SLC7A11: variants seen among roughly 807,000 people sequenced by gnomAD.
SLC7A11 encodes solute carrier family 7 member 11, also known as cystine/glutamate transporter.
Under a neutral mutation model 54.5 loss-of-function variants are expected in SLC7A11, and 35 were observed. The ratio of observed to expected loss-of-function variants is 0.64; its 90% CI spans 0.49 to 0.85. The LOEUF (loss-of-function observed/expected upper bound fraction) is 0.85. Among genes scored for constraint, SLC7A11 ranks in the 40% least tolerant of loss-of-function variants. SLC7A11 has a pLI of 0.00. For missense variants in SLC7A11, 583 were observed against 618.1 expected (o/e 0.94, Z 0.60); for synonymous variants, 230 against 225.2 (o/e 1.02, Z -0.19).
chr4:138,237,213 T>C (rs968279107), intron 1 of SLC7A11, among the ~76,000 whole-genome samples: 1 of 151,848 alleles, frequency 6.6e-6, no homozygotes, highest in African/African-American at 2.4e-5. Context: ...GGTCTCAATC[T>C]CCTGACCTCA....
intron 3 of SLC7A11, 34 bp downstream of exon 3, chr4:138,232,233 T>C (rs2148453059): frequency 7.4e-7 from 1 of 1,350,940 alleles, no homozygotes; most frequent in East Asian, 2.3e-5. Context: ...TTGTGTTGTT[T>C]TTCCTTTTTC....
At chr4:138,209,236 G>A (rs6854381) in intron 6 of SLC7A11, among the ~76,000 whole-genome samples, 61,537 of 151,650 alleles carry the variant, frequency 0.41, 13,379 homozygotes, top group Middle Eastern at 0.6. Flanking sequence ...AGACCATAAA[G>A]GGTGTTGTAT....
rs1340724422 is a variant in SLC7A11 at position 138,169,270 on chromosome 4, G to A, written c.*2686C>T. On this transcript the variant is annotated 3_prime_UTR_variant, in exon 12 of 12. Transcript: ENST00000280612. ...TAAATAAGTGTTCAGGAGAGTTTTT[G>A]AGAATCTGCTTTACATACTGCAATT... 1 of 151,952 alleles carries A rather than the reference G, an allele frequency of 6.6e-6. No individual in the cohort carries two copies. The highest frequency in any genetic ancestry group is 1.5e-5 in the Non-Finnish European group (1 of 67,976). 9.4% of individuals were successfully genotyped at this position (151,952 alleles called of 1,614,324 possible). A position where few individuals can be genotyped will look rare whatever the true frequency, so the allele number is the denominator to read the frequency against.
rs1737138854 is a variant in SLC7A11 at position 138,196,642 on chromosome 4, TTTAA to T, written c.792-11402_792-11399del. 4.6e-5 allele frequency among the ~76,000 whole-genome samples: 7 copies of T among 151,812 alleles called. No homozygotes were observed. In the South Asian group the frequency reaches 1.5e-3, roughly 31 times the overall value. On this transcript the variant is annotated intron_variant, in intron 6 of 11. Coordinates refer to ENST00000280612, the MANE Select transcript of SLC7A11 (RefSeq NM_014331.4). ...GTTGCCTTTTTTTAATTTAATTTAA[TTTAA>T]TTTTTATTATTTTATTTTATTATTA...
In SLC7A11 at chr4:138,171,926, G is replaced by A. The variant is rs1244273947; in HGVS notation, c.*30C>T. ...ATCCCTATTTTGTGTCTCCCCTTGG[G>A]CAGATTGCCAAGATCTCAAGTCCAT... On this transcript the variant is annotated 3_prime_UTR_variant, in exon 12 of 12. Transcript: ENST00000280612. The A allele has an allele frequency of 1.1e-5, 18 of 1,571,316 alleles. No individual in the cohort carries two copies. Among genetic ancestry groups the A allele is most frequent in the East Asian group, 2.4e-5 (1 of 41,752 alleles).
intron 6 of SLC7A11, among the ~76,000 whole-genome samples, chr4:138,207,123 C>G (rs189206199): frequency 1.3e-5 from 2 of 151,488 alleles, no homozygotes; most frequent in Non-Finnish European, 2.9e-5. Flanking sequence ...TAAAAAGATG[C>G]CTCATTTTGC....
intron 6 of SLC7A11, among the ~76,000 whole-genome samples, chr4:138,210,820 T>C (rs1167636180): frequency 6.6e-6 from 1 of 152,142 alleles, no homozygotes; most frequent in South Asian, 2.1e-4. Context: ...GTTCAGCCTC[T>C]GTGGAAAGAA....
chr4:138,166,610 A>G lies in SLC7A11; in HGVS notation c.*5346T>C, dbSNP rs1043741044. 1 of 152,628 alleles carries G rather than the reference A, an allele frequency of 6.6e-6. No individual in the cohort carries two copies. The highest frequency in any genetic ancestry group is 1.5e-5 in the Non-Finnish European group (1 of 68,036). 9.5% of individuals were successfully genotyped at this position (152,628 alleles called of 1,614,324 possible). ...CACTCTGGAACAAAGTTGGCCCTCT[A>G]TGGCTCTCAGATGCCTAATGCTCTA... On this transcript the variant is annotated 3_prime_UTR_variant, in exon 12 of 12. Transcript: ENST00000280612.
rs191840411 is a variant in SLC7A11 at position 138,240,050 on chromosome 4, C to T, written c.277+1743G>A. Among the ~76,000 whole-genome samples the T allele has an allele frequency of 7.4e-4, 113 of 152,092 alleles. 3 individuals carry two copies. The highest frequency in any genetic ancestry group is 8.5e-4 in the Non-Finnish European group (58 of 67,966). On this transcript the variant is annotated intron_variant, in intron 1 of 11. Coordinates refer to ENST00000280612, the MANE Select transcript of SLC7A11 (RefSeq NM_014331.4). The stretch of plus-strand genomic sequence containing the variant: ...TTAATATTAATAGTGGCTAAGGGTA[C>T]TATTAGAGTTTTTCATAATGATATT...
intron 4 of SLC7A11, among the ~76,000 whole-genome samples, chr4:138,222,049 G>A (rs1214348060): frequency 6.6e-6 from 1 of 152,198 alleles, no homozygotes; most frequent in Middle Eastern, 3.2e-3. Flanking sequence ...AGGTGTATTA[G>A]AAGAGCAAGC....
intron 2 of SLC7A11, among the ~76,000 whole-genome samples, chr4:138,235,673 C>T (rs1205640722): frequency 6.6e-6 from 1 of 152,080 alleles, no homozygotes; most frequent in Non-Finnish European, 1.5e-5. Flanking sequence ...CCCACAAAGT[C>T]GAAGGAAATT....
At chr4:138,223,765 C>A (rs965836326) in intron 3 of SLC7A11, among the ~76,000 whole-genome samples, 3 of 152,096 alleles carry the variant, frequency 2.0e-5, no homozygotes, top group East Asian at 1.9e-4. Context: ...CAAGAAGGAG[C>A]AAGAAGTGTA....
rs1336912399 is a variant in SLC7A11, at chr4:138,164,208, A to AATAC, written c.*7744_*7747dup. ...AAGCAACTAGAAGCGTGACAGGTATAATACATATAAATACAACCAAAATTC... is the reference window on the plus strand; with the variant it reads ...AAGCAACTAGAAGCGTGACAGGTATAATACATACATATAAATACAACCAAAATTC... On this transcript the variant is annotated 3_prime_UTR_variant, in exon 12 of 12. Transcript: ENST00000280612. The AATAC allele has an allele frequency of 6.6e-6, 1 of 152,462 alleles. No individual in the cohort carries two copies. Among genetic ancestry groups the AATAC allele is most frequent in the Non-Finnish European group, 1.5e-5 (1 of 68,012 alleles). 9.4% of individuals were successfully genotyped at this position (152,462 alleles called of 1,614,324 possible).
intron 6 of SLC7A11, among the ~76,000 whole-genome samples, chr4:138,199,611 G>A (rs1371180597): frequency 1.3e-5 from 2 of 152,072 alleles, no homozygotes; most frequent in African/African-American, 4.8e-5. Flanking sequence ...GAGGAGGCAG[G>A]GTTAAGCAGG....
At chr4:138,204,455 G>A (rs1434843650) in intron 6 of SLC7A11, among the ~76,000 whole-genome samples, 1 of 151,958 alleles carries the variant, frequency 6.6e-6, no homozygotes, top group Non-Finnish European at 1.5e-5. Context: ...AAAATTATCT[G>A]GGAGTGGACT....
chr4:138,176,811 C>T (rs1736581748), intron 11 of SLC7A11: 1 of 152,128 alleles, frequency 6.6e-6, no homozygotes, highest in Non-Finnish European at 1.5e-5. Context: ...GCTAATCTAT[C>T]CTAAATGTTA....
At position 138,242,004 on chromosome 4, in the gene SLC7A11, C is replaced by T. The variant is rs1369750656; in HGVS notation, c.66G>A (p.Gly22=). The change falls in exon 1 of 12, where the codon GGG becomes GGA. Residue 22 remains glycine, a synonymous_variant. Coordinates refer to ENST00000280612, the MANE Select transcript of SLC7A11 (RefSeq NM_014331.4). ...CCTTGTTGCCCAGGGAAGGCAGCCT[C>T]CCGTTAACATTTCCCTGCAGGTAAC... ...KGGYLQGNVN[G]RLPSLGNKEP... is the part of the protein sequence containing the mutation. 1.2e-6 allele frequency: 2 copies of T among 1,614,202 alleles called. No individual in the cohort carries two copies. The highest frequency in any genetic ancestry group is 1.7e-6 in the Non-Finnish European group (2 of 1,180,030).
intron 1 of SLC7A11, among the ~76,000 whole-genome samples, chr4:138,237,343 T>C (rs1471381782): frequency 6.6e-6 from 1 of 151,752 alleles, no homozygotes; most frequent in African/African-American, 2.4e-5. Context: ...TCTGACTCTG[T>C]TTCTATAAAA....
chr4:138,228,627 T>C lies in SLC7A11; in HGVS notation c.520+3640A>G, dbSNP rs183140138. ...CAAAAAAATTAGCAGGGCGTGATGG[T>C]GGGCGCCTGTAGTCCCAGCTACTCT... On this transcript the variant is annotated intron_variant, in intron 3 of 11. Transcript: ENST00000280612. Among the ~76,000 whole-genome samples, 271 of 151,050 alleles carry C rather than the reference T, an allele frequency of 1.8e-3. 5 individuals are homozygous for C. Among genetic ancestry groups the C allele is most frequent in the African/African-American group, 6.1e-3 (252 of 41,228 alleles).
Sources: allele counts gnomAD v4.1 joint callset (sites outside exome capture counted in the v4.1 genomes callset), GRCh38; gene constraint gnomAD v4.1.1; transcripts MANE v1.5; gene names NCBI Gene and HGNC (gene_info 2026-07-23, HGNC 2026-07-21).